RBFOX1: variants seen among roughly 807,000 people sequenced by gnomAD.
RBFOX1 encodes RNA binding protein fox-1 homolog 1.
RBFOX1 carries 8 observed loss-of-function variants against 57.7 expected under a neutral mutation model. The observed-to-expected ratio is 0.14, with a 90% confidence interval of 0.08 to 0.25. The LOEUF is 0.25. Ranked by LOEUF, RBFOX1 falls within the 10% of genes least tolerant of loss-of-function variation. The pLI, the probability that RBFOX1 is intolerant of heterozygous loss-of-function variation, is 1.00. For synonymous variants in RBFOX1, 326 were observed against 222.4 expected, an observed-to-expected ratio of 1.47 and a Z score of -4.15; for missense variants, 611 against 548.5, an observed-to-expected ratio of 1.11 and a Z score of -1.14.
intron 2 of RBFOX1, among the ~76,000 whole-genome samples, chr16:5,547,098 C>T (rs2045240815): frequency 6.6e-6 from 1 of 152,190 alleles, no homozygotes; most frequent in East Asian, 1.9e-4. Context: ...AGACTGACCA[C>T]ACCAAGTCTT....
chr16:7,028,046 C>A (rs990053643), intron 3 of RBFOX1, among the ~76,000 whole-genome samples: 27 of 152,018 alleles, frequency 1.8e-4, no homozygotes, highest in Non-Finnish European at 5.9e-5. Context: ...TAATCTCCAG[C>A]ACAGAAAGTG....
At chr16:7,185,905 A>G (rs1393632110) in intron 4 of RBFOX1, among the ~76,000 whole-genome samples, 2 of 152,154 alleles carry the variant, frequency 1.3e-5, no homozygotes, top group African/African-American at 4.8e-5. Context: ...GAGCAATGAT[A>G]CAATTCCCAC....
intron 1 of RBFOX1, among the ~76,000 whole-genome samples, chr16:5,460,195 A>C (rs2068747853): frequency 6.6e-6 from 1 of 152,196 alleles, no homozygotes; most frequent in South Asian, 2.1e-4. Flanking sequence ...AGTGGACAAG[A>C]GGGGTCTTGG....
intron 4 of RBFOX1, among the ~76,000 whole-genome samples, chr16:7,174,829 A>G (rs1358148396): frequency 1.3e-5 from 2 of 152,168 alleles, no homozygotes; most frequent in Non-Finnish European, 2.9e-5. Context: ...ATTTTTCCAA[A>G]GCGGTTGCGT....
At chr16:5,523,241 G>A (rs562852991) in intron 2 of RBFOX1, among the ~76,000 whole-genome samples, 32 of 151,984 alleles carry the variant, frequency 2.1e-4, no homozygotes, top group East Asian at 1.2e-3. Context: ...AGCCGAGATC[G>A]CGCCATGGCA....
At chr16:5,864,200 C>G (rs2057292144) in intron 3 of RBFOX1, among the ~76,000 whole-genome samples, 1 of 152,184 alleles carries the variant, frequency 6.6e-6, no homozygotes, top group Non-Finnish European at 1.5e-5. Context: ...TAATGGCCTC[C>G]AGCTCCATCG....
At chr16:6,916,115 A>G (rs1270279366) in intron 3 of RBFOX1, among the ~76,000 whole-genome samples, 4 of 152,178 alleles carry the variant, frequency 2.6e-5, no homozygotes, top group Non-Finnish European at 5.9e-5. Flanking sequence ...GCTGTGTACA[A>G]GACAACTGAA....
At chr16:6,940,516 A>C (rs9936119) in intron 3 of RBFOX1, among the ~76,000 whole-genome samples, 2 of 152,020 alleles carry the variant, frequency 1.3e-5, no homozygotes, top group Non-Finnish European at 2.9e-5. Context: ...ATAATTCTCT[A>C]TACTTTGAAT....
chr16:6,856,965 A>T (rs1176208478), intron 3 of RBFOX1, among the ~76,000 whole-genome samples: 2 of 152,140 alleles, frequency 1.3e-5, no homozygotes, highest in Non-Finnish European at 2.9e-5. Context: ...GAAGAAAGGG[A>T]GGGACAAAGA....
At chr16:6,583,284 G>A (rs560830826) in intron 2 of RBFOX1, among the ~76,000 whole-genome samples, 1 of 152,282 alleles carries the variant, frequency 6.6e-6, no homozygotes, top group African/African-American at 2.4e-5. Context: ...TGCAACTTCA[G>A]GACCAGGAAC....
Position 7,427,878 on chromosome 16 carries a change from C to T in RBFOX1, c.28-90269C>T, listed in dbSNP as rs79713783. Among the ~76,000 whole-genome samples, 159 of 152,148 alleles carry T rather than the reference C, an allele frequency of 1.0e-3. 1 individual carries two copies. Among genetic ancestry groups the T allele is most frequent in the African/African-American group, 3.4e-3 (141 of 41,506 alleles). On this transcript the variant is annotated intron_variant, in intron 4 of 15. Coordinates refer to ENST00000550418, the MANE Select transcript of RBFOX1 (RefSeq NM_018723.4). ...CATGTTTCCCAGCTTGGTCTCAAAC[C>T]CCTGACCTCAGATGATCTGCCTGCC...
At chr16:6,191,997 G>C (rs909665373) in intron 1 of RBFOX1, among the ~76,000 whole-genome samples, 1 of 152,174 alleles carries the variant, frequency 6.6e-6, no homozygotes, top group Non-Finnish European at 1.5e-5. Flanking sequence ...ACTACATCTA[G>C]TAGATTGAGG....
intron 2 of RBFOX1, among the ~76,000 whole-genome samples, chr16:5,582,543 G>A (rs1048340233): frequency 2.1e-5 from 3 of 142,964 alleles, no homozygotes; most frequent in African/African-American, 7.8e-5. Context: ...TTCAAAGCAC[G>A]TCACTTTTTT....
At chr16:7,629,502 C>T (rs780184632) in intron 10 of RBFOX1, among the ~76,000 whole-genome samples, 8 of 152,134 alleles carry the variant, frequency 5.3e-5, no homozygotes, top group Non-Finnish European at 8.8e-5. Context: ...GGGCGGTTGA[C>T]CTTCCCCAGT....
intron 1 of RBFOX1, among the ~76,000 whole-genome samples, chr16:5,339,470 G>GTTGTTTTTTTTTTTT (rs2064982508): frequency 2.4e-5 from 1 of 40,854 alleles, no homozygotes; most frequent in Non-Finnish European, 4.5e-5. Flanking sequence ...CTTTTTCCGT[G>GTTGTTTTTTTTTTTT]TTTTTTTTTT....
intron 3 of RBFOX1, among the ~76,000 whole-genome samples, chr16:5,715,357 G>T (rs1380994177): frequency 6.6e-6 from 1 of 152,100 alleles, no homozygotes; most frequent in African/African-American, 2.4e-5. Context: ...ACTCACCTCT[G>T]TCCCTACCAT....
intron 4 of RBFOX1, among the ~76,000 whole-genome samples, chr16:5,973,990 AT>A (rs1310583435): frequency 6.6e-6 from 1 of 152,210 alleles, no homozygotes; most frequent in East Asian, 1.9e-4. Flanking sequence ...GGTTAAATTA[AT>A]TTAACATCCT....
At chr16:7,205,723 G>A (rs948514058) in intron 4 of RBFOX1, among the ~76,000 whole-genome samples, 1 of 152,152 alleles carries the variant, frequency 6.6e-6, no homozygotes, top group Non-Finnish European at 1.5e-5. Context: ...TTGGTGATGG[G>A]CAGAAAGAAA....
intron 3 of RBFOX1, among the ~76,000 whole-genome samples, chr16:6,683,023 T>G (rs1347226041): frequency 1.3e-5 from 2 of 152,216 alleles, no homozygotes; most frequent in African/African-American, 4.8e-5. Context: ...GGACAGCTTC[T>G]CCATCCATAT....
Sources: gnomAD v4.1 joint callset for allele counts (sites outside exome capture counted in the v4.1 genomes callset) on GRCh38, gnomAD v4.1.1 for gene constraint, MANE v1.5 for transcripts, NCBI Gene and HGNC (gene_info 2026-07-23, HGNC 2026-07-21) for gene names.